Variants in GSE1 observed in about 807,000 individuals in gnomAD.
The protein encoded by GSE1 is genetic suppressor element 1.
A neutral mutation model predicts 112.6 loss-of-function variants in GSE1; 32 were observed. The ratio of observed to expected loss-of-function variants is 0.28; its 90% CI spans 0.21 to 0.38. The LOEUF (loss-of-function observed/expected upper bound fraction) is 0.38. Among genes scored for constraint, GSE1 ranks in the 10% least tolerant of loss-of-function variants. GSE1 has a pLI of 1.00. For synonymous variants in GSE1, 1,115 were observed against 735.6 expected, an observed-to-expected ratio of 1.52 and a Z score of -8.35; for missense variants, 2,348 against 1,699.2, an observed-to-expected ratio of 1.38 and a Z score of -6.71.
upstream of GSE1, among the ~76,000 whole-genome samples, chr16:85,553,488 C>T (rs1306722125): frequency 6.6e-6 from 1 of 151,966 alleles, no homozygotes; most frequent in East Asian, 1.9e-4. Context: ...GTCAGCAGCT[C>T]TGGCGCCCTC....
chr16:85,369,960 C>T (rs907696556), intron 2 of GSE1, among the ~76,000 whole-genome samples: 1 of 152,218 alleles, frequency 6.6e-6, no homozygotes, highest in African/African-American at 2.4e-5. Flanking sequence ...GGGTCAGTCC[C>T]CTCCTTGGGA....
intron 2 of GSE1, among the ~76,000 whole-genome samples, chr16:85,520,358 A>C (rs1023052003): frequency 1.3e-5 from 2 of 151,662 alleles, no homozygotes; most frequent in Non-Finnish European, 2.9e-5. Context: ...GGACACAAAC[A>C]TTTGGATTGT....
upstream of GSE1, among the ~76,000 whole-genome samples, chr16:85,554,312 A>C (rs2045086873): frequency 6.6e-6 from 1 of 151,980 alleles, no homozygotes; most frequent in Non-Finnish European, 1.5e-5. Flanking sequence ...TGTGAAAGGG[A>C]GGCGGCGTGG....
chr16:85,257,697 G>GCTA (rs1464369295), intron 1 of GSE1, among the ~76,000 whole-genome samples: 4 of 152,356 alleles, frequency 2.6e-5, no homozygotes, highest in Non-Finnish European at 5.9e-5. Context: ...TGTGGTCCCA[G>GCTA]CTACTGGTGA....
chr16:85,440,756 C>T (rs1354368064), intron 2 of GSE1, among the ~76,000 whole-genome samples: 3 of 152,204 alleles, frequency 2.0e-5, no homozygotes, highest in Non-Finnish European at 2.9e-5. Context: ...GGAATATGCC[C>T]GTGGAGGTGG....
At chr16:85,189,991 G>A (rs1250073875) in intron 1 of GSE1, among the ~76,000 whole-genome samples, 2 of 152,118 alleles carry the variant, frequency 1.3e-5, no homozygotes, top group South Asian at 2.1e-4. Context: ...TTTTTGGGGG[G>A]CTTAAGATGT....
At chr16:85,641,555 G>T (rs771691178) in intron 2 of GSE1, among the ~76,000 whole-genome samples, 9 of 152,248 alleles carry the variant, frequency 5.9e-5, no homozygotes, top group Non-Finnish European at 8.8e-5. Context: ...TCCCTGGAAC[G>T]CAGGGGGTCG....
chr16:85,471,614 A>C (rs368156207), intron 2 of GSE1, among the ~76,000 whole-genome samples: 2 of 152,084 alleles, frequency 1.3e-5, no homozygotes, highest in Admixed American at 1.3e-4. Flanking sequence ...GGGTCTCGCT[A>C]TGTTGCCCAG....
At chr16:85,488,906 G>A (rs531977918) in intron 2 of GSE1, among the ~76,000 whole-genome samples, 148 of 152,182 alleles carry the variant, frequency 9.7e-4, no homozygotes, top group Non-Finnish European at 1.8e-3. Flanking sequence ...ACAGCCCCCC[G>A]GGGGTCAGAT....
chr16:85,429,700 G>T (rs1177751405), intron 2 of GSE1, among the ~76,000 whole-genome samples: 1 of 151,868 alleles, frequency 6.6e-6, no homozygotes, highest in Non-Finnish European at 1.5e-5. Flanking sequence ...CCTGCCCCAG[G>T]GCCTTTGCCC....
rs113335695 is a variant in GSE1, at chr16:85,511,239, C to G, written c.2465-122675C>G. Among the ~76,000 whole-genome samples the G allele has an allele frequency of 4.3e-3, 652 of 152,274 alleles. 4 individuals are homozygous for G. Among genetic ancestry groups the G allele is most frequent in the African/African-American group, 0.015 (626 of 41,564 alleles). On this transcript the variant is annotated intron_variant, in intron 2 of 2. Coordinates refer to the GSE1 transcript ENST00000637419. ...GTGGTAGGCTGAAAAATGCCTCCCC[C>G]CTCCAGGCTGGGTTCAGTGGCTCAC...
chr16:85,620,077 C>T (rs1199173555), intron 1 of GSE1, among the ~76,000 whole-genome samples: 1 of 150,304 alleles, frequency 6.7e-6, no homozygotes, highest in Non-Finnish European at 1.5e-5. Flanking sequence ...AGGTGGATTG[C>T]TTGAGCTCTG....
chr16:85,213,340 G>A (rs927035507), intron 1 of GSE1, among the ~76,000 whole-genome samples: 1 of 152,150 alleles, frequency 6.6e-6, no homozygotes, highest in African/African-American at 2.4e-5. Flanking sequence ...CAGCTACTTG[G>A]GAGGCTGAGG....
chr16:85,666,479 T>A, intron 13 of GSE1, 132 bp downstream of exon 13: 2 of 808,520 alleles, frequency 2.5e-6, no homozygotes, highest in East Asian at 2.6e-5. Flanking sequence ...CAGAAGAAAA[T>A]AATTTCGTTA....
At chr16:85,328,897 C>T (rs2046281578) in intron 1 of GSE1, among the ~76,000 whole-genome samples, 1 of 152,208 alleles carries the variant, frequency 6.6e-6, no homozygotes, top group Admixed American at 6.5e-5. Flanking sequence ...CCCTGCCACC[C>T]CTGCCCCCGC....
intron 1 of GSE1, among the ~76,000 whole-genome samples, chr16:85,310,294 G>A (rs1444554064): frequency 3.3e-5 from 5 of 152,230 alleles, no homozygotes; most frequent in South Asian, 2.1e-4. Context: ...GGGAACAGTC[G>A]CTGTGGCCAC....
intron 2 of GSE1, among the ~76,000 whole-genome samples, chr16:85,550,118 T>C (rs2044851891): frequency 6.6e-6 from 1 of 152,182 alleles, no homozygotes; most frequent in Non-Finnish European, 1.5e-5. Flanking sequence ...TCGCCTCATT[T>C]TCCAGGTAAG....
At chr16:85,368,385 G>A (rs963920254) in intron 2 of GSE1, among the ~76,000 whole-genome samples, 1 of 152,128 alleles carries the variant, frequency 6.6e-6, no homozygotes, top group Non-Finnish European at 1.5e-5. Context: ...CAACTGATTA[G>A]ATCAGCCCTA....
intron 2 of GSE1, among the ~76,000 whole-genome samples, chr16:85,403,001 C>CTGGGT (rs1168027276): frequency 3.9e-5 from 6 of 152,112 alleles, no homozygotes; most frequent in Non-Finnish European, 8.8e-5. Context: ...GATCCGGATC[C>CTGGGT]AGCTTAGCCG....
Sources: gnomAD v4.1 joint callset for allele counts (sites outside exome capture counted in the v4.1 genomes callset) on GRCh38, gnomAD v4.1.1 for gene constraint, MANE v1.5 for transcripts, NCBI Gene and HGNC (gene_info 2026-07-23, HGNC 2026-07-21) for gene names.